Variants in RTL4 observed in about 807,000 individuals in gnomAD.
The protein encoded by RTL4 is retrotransposon Gag-like protein 4.
In RTL4, 4 loss-of-function variants were observed where a neutral mutation model predicts 5.3. The ratio of observed to expected loss-of-function variants is 0.75; its 90% CI spans 0.37 to 1.72. The LOEUF (loss-of-function observed/expected upper bound fraction) is 1.72, where lower values mean the gene tolerates loss of function less well. RTL4 is among the 40% of genes most tolerant of loss of function. The pLI is 0.04. For synonymous variants in RTL4, 98 were observed against 87.3 expected (o/e 1.12, Z -0.68); for missense variants, 260 against 227.1 (o/e 1.14, Z -0.93).
the RTL4 span, among the ~76,000 whole-genome samples, chrX:112,191,505 G>A: frequency 9.0e-6 from 1 of 111,649 alleles, no homozygotes; most frequent in South Asian, 3.8e-4. Flanking sequence ...CATTTGGCTT[G>A]AAAAAATTTT....
the RTL4 span, among the ~76,000 whole-genome samples, chrX:112,420,032 G>A: frequency 9.1e-6 from 1 of 110,363 alleles, no homozygotes; most frequent in Non-Finnish European, 1.9e-5. Flanking sequence ...GTGGGTGGCT[G>A]TGACTTTTTT....
chrX:112,242,110 A>T, the RTL4 span, among the ~76,000 whole-genome samples: 21 of 111,714 alleles, frequency 1.9e-4, no homozygotes, highest in South Asian at 7.9e-3. Flanking sequence ...CTTGTAGTAT[A>T]GTTTGAAGTC....
At chrX:112,152,632 G>A in the RTL4 span, among the ~76,000 whole-genome samples, 1 of 112,129 alleles carries the variant, frequency 8.9e-6, no homozygotes, top group Non-Finnish European at 1.9e-5. Context: ...CAGCTAGGTA[G>A]TAGTCCCGTT....
chrX:112,355,482 G>T, the RTL4 span, among the ~76,000 whole-genome samples: 2 of 111,340 alleles, frequency 1.8e-5, no homozygotes, highest in Non-Finnish European at 3.8e-5. Context: ...AAAAGGAGAG[G>T]ATAGAAGGGT....
At chrX:112,307,633 C>A in the RTL4 span, among the ~76,000 whole-genome samples, 1 of 111,157 alleles carries the variant, frequency 9.0e-6, no homozygotes, top group African/African-American at 3.3e-5. Context: ...ATCTTCCCTC[C>A]ATTCCTTCCT....
At chrX:112,419,251 T>G in the RTL4 span, among the ~76,000 whole-genome samples, 1 of 98,522 alleles carries the variant, frequency 1.0e-5, no homozygotes. Context: ...TCCTCATTTC[T>G]ATAGAGAGAT....
the RTL4 span, among the ~76,000 whole-genome samples, chrX:112,138,205 TA>T: frequency 8.9e-6 from 1 of 112,083 alleles, no homozygotes; most frequent in African/African-American, 3.2e-5. Context: ...GTCAAACTCA[TA>T]GAAGCAGAGA....
the RTL4 span, among the ~76,000 whole-genome samples, chrX:112,125,160 C>T: frequency 2.7e-5 from 3 of 109,868 alleles, no homozygotes; most frequent in African/African-American, 1.0e-4. Context: ...CCCACCTTGG[C>T]CTCCCAAAGT....
the RTL4 span, among the ~76,000 whole-genome samples, chrX:112,325,861 C>G: frequency 2.6e-4 from 29 of 111,839 alleles, no homozygotes; most frequent in African/African-American, 6.5e-4. Flanking sequence ...AGAGTGAACA[C>G]GCAACCTACA....
At chrX:112,376,312 C>T in the RTL4 span, among the ~76,000 whole-genome samples, 1 of 111,134 alleles carries the variant, frequency 9.0e-6, no homozygotes, top group Non-Finnish European at 1.9e-5. Context: ...GACATTAATA[C>T]CCAAAGACTA....
chrX:112,211,679 A>G, the RTL4 span, among the ~76,000 whole-genome samples: 1 of 111,927 alleles, frequency 8.9e-6, no homozygotes, highest in East Asian at 2.8e-4. Flanking sequence ...GGTTAAGAGC[A>G]CAGGCTCTGG....
the RTL4 span, chrX:112,382,140 G>A: frequency 8.3e-7 from 1 of 1,209,536 alleles, no homozygotes; most frequent in East Asian, 3.0e-5. Flanking sequence ...CTGCAAGGAA[G>A]TCATAATCAG....
the RTL4 span, among the ~76,000 whole-genome samples, chrX:112,221,183 C>A: frequency 9.0e-6 from 1 of 111,533 alleles, no homozygotes; most frequent in Admixed American, 9.6e-5. Flanking sequence ...TTACATGGTG[C>A]CAGGTGAGAG....
the RTL4 span, among the ~76,000 whole-genome samples, chrX:112,432,595 A>C: frequency 3.3e-5 from 3 of 89,700 alleles, no homozygotes; most frequent in African/African-American, 1.3e-4. Flanking sequence ...TTTTTCTTGT[A>C]AATTTGTTTG....
exon 1 of RTL4, chrX:112,455,028 T>C (rs1294824358): frequency 1.7e-6 from 2 of 1,210,153 alleles, no homozygotes; most frequent in Non-Finnish European, 2.2e-6. Context: ...AACTCTTTTT[T>C]GATTACCTAT....
the RTL4 span, among the ~76,000 whole-genome samples, chrX:112,352,592 A>G: frequency 9.0e-6 from 1 of 111,572 alleles, no homozygotes; most frequent in Non-Finnish European, 1.9e-5. Context: ...AGGATTCCCT[A>G]TTTAATAAGT....
the RTL4 span, among the ~76,000 whole-genome samples, chrX:112,108,398 A>G: frequency 9.0e-6 from 1 of 110,970 alleles, no homozygotes; most frequent in Non-Finnish European, 1.9e-5. Flanking sequence ...GGATCTGCAA[A>G]TTTTCAGAGG....
the RTL4 span, among the ~76,000 whole-genome samples, chrX:112,210,694 A>G: frequency 2.7e-5 from 3 of 112,172 alleles, no homozygotes; most frequent in Non-Finnish European, 3.8e-5. Context: ...GTTGATTTGC[A>G]TTTTGTAAAG....
At chrX:112,286,662 T>C in the RTL4 span, among the ~76,000 whole-genome samples, 83 of 111,435 alleles carry the variant, frequency 7.4e-4, no homozygotes, top group African/African-American at 2.6e-3. Flanking sequence ...ACCACTACCA[T>C]CCATCCAATT....
Sources: allele counts gnomAD v4.1 joint callset (sites outside exome capture counted in the v4.1 genomes callset), GRCh38; gene constraint gnomAD v4.1.1; transcripts MANE v1.5; gene names NCBI Gene and HGNC (gene_info 2026-07-23, HGNC 2026-07-21).